The following TNFRSF10B variants were observed in gnomAD, a reference collection of about 807,000 sequenced individuals.
The protein encoded by TNFRSF10B is tumor necrosis factor receptor superfamily member 10B.
A neutral mutation model predicts 41.4 loss-of-function variants in TNFRSF10B; 35 were observed. The ratio of observed to expected loss-of-function variants is 0.85; its 90% CI spans 0.65 to 1.12. The LOEUF is 1.12. Ranked by LOEUF, TNFRSF10B falls within the 50% of genes most tolerant of loss-of-function variation. The pLI is 0.00. For missense variants in TNFRSF10B, 584 were observed against 552.7 expected, an observed-to-expected ratio of 1.06 and a Z score of -0.57; for synonymous variants, 230 against 215.5, an observed-to-expected ratio of 1.07 and a Z score of -0.59.
In TNFRSF10B at chr8:23,033,585, C is replaced by CAA. The variant is rs59282000; in HGVS notation, c.251-2715_251-2714dup. Among the ~76,000 whole-genome samples the CAA allele has an allele frequency of 4.2e-4, 26 of 62,276 alleles. 2 individuals are homozygous for CAA. Among genetic ancestry groups the CAA allele is most frequent in the South Asian group, 6.5e-4 (1 of 1,532 alleles). The allele number at this position is 62,276 out of a possible 152,430, so 40.9% of individuals were successfully genotyped here. On this transcript the variant is annotated intron_variant, in intron 2 of 8. Coordinates refer to ENST00000276431, the MANE Select transcript of TNFRSF10B (RefSeq NM_003842.5). ...CCTGGGCGACAGCGAGACTCCGTCT[C>CAA]AAAAAAAAAAAAAAAAAAAAAAAAA... is the stretch of plus-strand genomic sequence containing the variant.
chr8:23,067,538 A>AC (rs1813025491), intron 1 of TNFRSF10B, among the ~76,000 whole-genome samples: 1 of 152,126 alleles, frequency 6.6e-6, no homozygotes, highest in Non-Finnish European at 1.5e-5. Flanking sequence ...CCAAAGATCC[A>AC]CCACCCAAAG....
chr8:23,029,069 C>T (rs534220843), intron 4 of TNFRSF10B, among the ~76,000 whole-genome samples: 2 of 152,258 alleles, frequency 1.3e-5, no homozygotes, highest in Admixed American at 1.3e-4. Context: ...GCCCCTAAAA[C>T]CCAAATAGGG....
chr8:23,053,978 G>C (rs1236550685), intron 1 of TNFRSF10B, among the ~76,000 whole-genome samples: 1 of 152,136 alleles, frequency 6.6e-6, no homozygotes, highest in Non-Finnish European at 1.5e-5. Flanking sequence ...AAATTATTGT[G>C]TGCCACAGAG....
At chr8:23,035,894 G>C (rs1485306999) in intron 2 of TNFRSF10B, among the ~76,000 whole-genome samples, 1 of 152,176 alleles carries the variant, frequency 6.6e-6, no homozygotes, top group Non-Finnish European at 1.5e-5. Context: ...CTCAGAACAA[G>C]AAAAGGCTCT....
In TNFRSF10B at chr8:23,020,707, A is replaced by G. The variant is rs183249409; in HGVS notation, c.*1964T>C. 2.2e-4 allele frequency: 99 copies of G among 449,928 alleles called. No individual in the cohort carries two copies. The highest frequency in any genetic ancestry group is 1.9e-3 in the African/African-American group (88 of 46,312). 27.9% of individuals were successfully genotyped at this position (449,928 alleles called of 1,614,324 possible). A position where few individuals can be genotyped will look rare whatever the true frequency, so the allele number is the denominator to read the frequency against. On this transcript the variant is annotated 3_prime_UTR_variant, in exon 9 of 9. Coordinates refer to ENST00000276431, the MANE Select transcript of TNFRSF10B (RefSeq NM_003842.5). Reference sequence around the variant, plus strand: ...ATTCTGTCTCAAAAAAATTAAAAATAAAAGAAAAATCTTAAACACTGATAA... The same window carrying G: ...ATTCTGTCTCAAAAAAATTAAAAATGAAAGAAAAATCTTAAACACTGATAA...
chr8:23,052,479 G>A (rs1006250010), intron 1 of TNFRSF10B, among the ~76,000 whole-genome samples: 2 of 151,876 alleles, frequency 1.3e-5, no homozygotes, highest in Admixed American at 6.6e-5. Context: ...GTAGAGACGG[G>A]GTTTCACCGT....
intron 1 of TNFRSF10B, among the ~76,000 whole-genome samples, chr8:23,048,532 A>C (rs1812431750): frequency 6.6e-6 from 1 of 152,142 alleles, no homozygotes; most frequent in Non-Finnish European, 1.5e-5. Context: ...GATGATAATC[A>C]AAGGTACAAA....
At chr8:23,040,706 A>C (rs1049215997) in intron 2 of TNFRSF10B, among the ~76,000 whole-genome samples, 2 of 151,974 alleles carry the variant, frequency 1.3e-5, no homozygotes, top group African/African-American at 4.8e-5. Flanking sequence ...TAAAAGGCAG[A>C]GAGTGGCAGA....
chr8:23,044,663 C>G (rs1005854111), intron 1 of TNFRSF10B, among the ~76,000 whole-genome samples: 1 of 151,862 alleles, frequency 6.6e-6, no homozygotes. Flanking sequence ...TGGCAATAAA[C>G]GCCTACATCA....
At chr8:23,060,902 T>C (rs953635660) in intron 1 of TNFRSF10B, among the ~76,000 whole-genome samples, 1 of 152,200 alleles carries the variant, frequency 6.6e-6, no homozygotes, top group Non-Finnish European at 1.5e-5. Flanking sequence ...AAATGGATTT[T>C]TTCCTAATTT....
In TNFRSF10B at chr8:23,029,744, T is replaced by C. The variant is rs772649778; in HGVS notation, c.365-23A>G. ...CACCTGACGACAGAGCATAAGGTTT[T>C]GGGAATGTGTTTTCCTGATGTGTCC... On this transcript the variant is annotated intron_variant, in intron 3 of 8. Transcript: ENST00000276431. 15 of 1,605,548 alleles carry C rather than the reference T, an allele frequency of 9.3e-6. No homozygotes were observed. In the African/African-American group the frequency reaches 1.7e-4, roughly 19 times the overall value.
chr8:23,066,487 A>T (rs1458001771), intron 1 of TNFRSF10B, among the ~76,000 whole-genome samples: 1 of 152,172 alleles, frequency 6.6e-6, no homozygotes, highest in Admixed American at 6.5e-5. Flanking sequence ...TGATGGGGGA[A>T]AAAAAAGAAC....
At chr8:23,033,670 A>G (rs1811950954) in intron 2 of TNFRSF10B, among the ~76,000 whole-genome samples, 1 of 150,382 alleles carries the variant, frequency 6.6e-6, no homozygotes, top group South Asian at 2.1e-4. Context: ...GCTGGTACGC[A>G]GCTACTTAGG....
At position 23,031,375 on chromosome 8, in the gene TNFRSF10B, CTATTTATT is replaced by C. The variant is rs61141147; in HGVS notation, c.251-511_251-504del. Among the ~76,000 whole-genome samples, 1,191 of 140,562 alleles carry C rather than the reference CTATTTATT, an allele frequency of 8.5e-3. 17 individuals carry two copies. The highest frequency in any genetic ancestry group is 0.028 in the African/African-American group (1,054 of 37,810). The allele number at this position is 140,562 out of a possible 152,430, so 92.2% of individuals were successfully genotyped here. The stretch of plus-strand genomic sequence containing the variant: ...ACAGGCGTGAGCCACTGCACCCGGC[CTATTTATT>C]TATTTATTTATTTATTTATTTATTT... On this transcript the variant is annotated intron_variant, in intron 2 of 8. Transcript: ENST00000276431.
intron 1 of TNFRSF10B, among the ~76,000 whole-genome samples, chr8:23,056,846 T>C (rs1394853495): frequency 2.0e-5 from 3 of 152,106 alleles, no homozygotes; most frequent in Non-Finnish European, 4.4e-5. Context: ...TTGAATTTCA[T>C]TGAGATCAGA....
intron 2 of TNFRSF10B, among the ~76,000 whole-genome samples, chr8:23,039,114 C>T (rs917160064): frequency 1.3e-4 from 20 of 151,782 alleles, no homozygotes; most frequent in African/African-American, 4.8e-4. Context: ...AAGGAGTGCG[C>T]AACCTAGATC....
intron 1 of TNFRSF10B, among the ~76,000 whole-genome samples, chr8:23,065,168 C>A (rs1223667864): frequency 2.0e-5 from 3 of 152,188 alleles, no homozygotes; most frequent in Non-Finnish European, 2.9e-5. Flanking sequence ...CTTCCCCAAC[C>A]CAGGCACAGA....
At chr8:23,031,957 G>GC (rs1795111216) in intron 2 of TNFRSF10B, among the ~76,000 whole-genome samples, 1 of 147,858 alleles carries the variant, frequency 6.8e-6, no homozygotes, top group Admixed American at 6.8e-5. Context: ...TGTTGCCCAG[G>GC]CTAGAGTGCA....
intron 2 of TNFRSF10B, among the ~76,000 whole-genome samples, chr8:23,039,325 A>G (rs1177995408): frequency 6.6e-6 from 1 of 151,972 alleles, no homozygotes; most frequent in Non-Finnish European, 1.5e-5. Context: ...AGAGAGATAA[A>G]GATTTATCTT....
Sources: allele counts gnomAD v4.1 joint callset (sites outside exome capture counted in the v4.1 genomes callset), GRCh38; gene constraint gnomAD v4.1.1; transcripts MANE v1.5; gene names NCBI Gene and HGNC (gene_info 2026-07-23, HGNC 2026-07-21).